RARS2: variants seen among roughly 807,000 people sequenced by gnomAD.
The protein encoded by RARS2 is probable arginine--tRNA ligase, mitochondrial.
In RARS2, 67 loss-of-function variants were observed where a neutral mutation model predicts 88.5. The ratio of observed to expected loss-of-function variants is 0.76; its 90% CI spans 0.62 to 0.93. The LOEUF (loss-of-function observed/expected upper bound fraction) is 0.93. RARS2 is among the 40% of genes least tolerant of loss of function. The pLI is 0.00. For missense variants in RARS2, 664 were observed against 684.2 expected (o/e 0.97, Z 0.33); for synonymous variants, 239 against 230.3 (o/e 1.04, Z -0.34).
chr6:87,564,681 T>C (rs567933347), intron 2 of RARS2: 6 of 251,536 alleles, frequency 2.4e-5, no homozygotes, highest in Admixed American at 2.0e-4. Flanking sequence ...AAAAAGTAAA[T>C]AAAATAAAAT....
chr6:87,567,620 T>C (rs748043462), intron 2 of RARS2, among the ~76,000 whole-genome samples: 1 of 152,198 alleles, frequency 6.6e-6, no homozygotes, highest in African/African-American at 2.4e-5. Context: ...GTTAGAAATA[T>C]AGAACGGTTA....
intron 11 of RARS2, among the ~76,000 whole-genome samples, chr6:87,522,322 A>C (rs908209776): frequency 5.3e-5 from 7 of 130,978 alleles, no homozygotes; most frequent in African/African-American, 2.1e-4. Flanking sequence ...AGAGCAAGAC[A>C]CCGTCTCAAT....
intron 11 of RARS2, among the ~76,000 whole-genome samples, chr6:87,522,727 G>A (rs1774345949): frequency 6.6e-6 from 1 of 152,124 alleles, no homozygotes; most frequent in African/African-American, 2.4e-5. Flanking sequence ...CTGGCCTCAG[G>A]TGATCTACCC....
At position 87,588,364 on chromosome 6, in the gene RARS2, C is replaced by T. The variant is rs567529400; in HGVS notation, c.36+1558G>A. ...TCATGAGAAATCTATTAGCTTTTCA[C>T]GTTTTTTATTTTTATTTTTTGTTTA... On this transcript the variant is annotated intron_variant, in intron 1 of 19. Transcript: ENST00000369536. Among the ~76,000 whole-genome samples, 20 of 152,164 alleles carry T rather than the reference C, an allele frequency of 1.3e-4. No homozygotes were observed. In the South Asian group the frequency reaches 1.5e-3, roughly 11 times the overall value.
At chr6:87,533,520 CAATTTT>C (rs1199008799) in intron 8 of RARS2, among the ~76,000 whole-genome samples, 1 of 152,046 alleles carries the variant, frequency 6.6e-6, no homozygotes, top group Non-Finnish European at 1.5e-5. Context: ...GATAAAAAGG[CAATTTT>C]AAATTTGGGC....
At chr6:87,519,076 G>A in intron 14 of RARS2, 185 bp from the exon 15 acceptor site, 1 of 615,986 alleles carries the variant, frequency 1.6e-6, no homozygotes, top group Non-Finnish European at 2.8e-6. Context: ...TACATTAAAG[G>A]GAAAGAAATC....
intron 1 of RARS2, 157 bp downstream of exon 1, chr6:87,589,765 G>A: frequency 1.0e-6 from 1 of 985,254 alleles, no homozygotes; most frequent in Non-Finnish European, 1.2e-6. Flanking sequence ...GACTTCTGAA[G>A]CTCCACCAGC....
At chr6:87,589,855 C>CAGCGGTGA (rs1776465447) in intron 1 of RARS2, 67 bp downstream of exon 1, 2 of 1,614,012 alleles carry the variant, frequency 1.2e-6, no homozygotes, top group South Asian at 2.2e-5. Context: ...GACTGGCCCG[C>CAGCGGTGA]AGCGGTGAAA....
At chr6:87,544,487 A>G (rs1781994934) in intron 7 of RARS2, among the ~76,000 whole-genome samples, 1 of 152,238 alleles carries the variant, frequency 6.6e-6, no homozygotes. Context: ...ACTTGAGTAG[A>G]GCTGGATACC....
rs886061821 is a variant in RARS2, at chr6:87,518,166, T to C, written c.1511+3A>G. On this transcript the variant is annotated splice_donor_region_variant and intron_variant, in intron 17 of 19. Coordinates refer to ENST00000369536, the MANE Select transcript of RARS2 (RefSeq NM_020320.5). ...ACTTGATGATCCCTGGAAAACATCA[T>C]ACCTGAGAAGATGCTGAAGAATTGA... The C allele has an allele frequency of 1.2e-5, 19 of 1,614,172 alleles. No homozygotes were observed. Among genetic ancestry groups the C allele is most frequent in the Admixed American group, 3.3e-5 (2 of 60,022 alleles).
intron 3 of RARS2, among the ~76,000 whole-genome samples, chr6:87,563,674 T>G (rs942644880): frequency 6.6e-6 from 1 of 152,230 alleles, no homozygotes; most frequent in African/African-American, 2.4e-5. Context: ...TCAGAGAACT[T>G]AGAAATGAAA....
In RARS2 at chr6:87,524,695, CAG is replaced by C; in HGVS notation, c.879-45_879-44del. ...TAACTCTGAAGCAACATAATAAATT[CAG>C]ACCTTTAAAATTTTAATATCTAAAA... On this transcript the variant is annotated intron_variant, in intron 10 of 19. Transcript: ENST00000369536. 3 of 1,410,974 alleles carry C rather than the reference CAG, an allele frequency of 2.1e-6. No homozygotes were observed. In the South Asian group the frequency reaches 3.5e-5, roughly 16 times the overall value. The allele number at this position is 1,410,974 out of a possible 1,614,324, so 87.4% of individuals were successfully genotyped here.
At chr6:87,521,841 G>C (rs1773954758) in intron 11 of RARS2, among the ~76,000 whole-genome samples, 1 of 152,180 alleles carries the variant, frequency 6.6e-6, no homozygotes, top group South Asian at 2.1e-4. Context: ...GTGTCTTGTA[G>C]ATAAATGTTT....
chr6:87,528,710 A>AT (rs1349986632), intron 10 of RARS2, among the ~76,000 whole-genome samples: 1 of 152,200 alleles, frequency 6.6e-6, no homozygotes, highest in Non-Finnish European at 1.5e-5. Flanking sequence ...GAGAAGTAGA[A>AT]TGGAGGTTAC....
At chr6:87,565,142 C>G (rs1364928975) in intron 2 of RARS2, among the ~76,000 whole-genome samples, 1 of 152,150 alleles carries the variant, frequency 6.6e-6, no homozygotes, top group African/African-American at 2.4e-5. Flanking sequence ...CCTTTAAAAT[C>G]CTACTGCAAA....
At chr6:87,514,831 T>C in intron 19 of RARS2, 126 bp downstream of exon 19, 1 of 799,996 alleles carries the variant, frequency 1.3e-6, no homozygotes, top group Non-Finnish European at 2.2e-6. Context: ...GCCTAATTAT[T>C]AGCTAAGGAA....
At chr6:87,571,421 A>G (rs188217078) in intron 1 of RARS2, among the ~76,000 whole-genome samples, 1 of 152,342 alleles carries the variant, frequency 6.6e-6, no homozygotes, top group East Asian at 1.9e-4. Flanking sequence ...GCAGTGTGAG[A>G]ACAGACTAAT....
intron 1 of RARS2, among the ~76,000 whole-genome samples, chr6:87,570,177 A>T (rs928936625): frequency 3.6e-4 from 55 of 152,140 alleles, no homozygotes; most frequent in Non-Finnish European, 6.2e-4. Context: ...TTATATACAT[A>T]TATTTTGTAG....
intron 10 of RARS2, among the ~76,000 whole-genome samples, chr6:87,526,203 A>C (rs936888462): frequency 3.3e-5 from 5 of 152,186 alleles, no homozygotes; most frequent in African/African-American, 9.6e-5. Flanking sequence ...CCAAATACCC[A>C]AAGCAATATT....
Sources: allele counts gnomAD v4.1 joint callset (sites outside exome capture counted in the v4.1 genomes callset), GRCh38; gene constraint gnomAD v4.1.1; transcripts MANE v1.5; gene names NCBI Gene and HGNC (gene_info 2026-07-23, HGNC 2026-07-21).